EYA1: variants seen among roughly 807,000 people sequenced by gnomAD.
The protein encoded by EYA1 is EYA transcriptional coactivator and phosphatase 1.
EYA1 carries 16 observed loss-of-function variants against 82.0 expected under a neutral mutation model. The observed-to-expected ratio is 0.20, with a 90% CI of 0.13 to 0.30. EYA1 has a LOEUF of 0.30. Among genes scored for constraint, EYA1 ranks in the 10% least tolerant of loss-of-function variants. The pLI is 1.00. For synonymous variants in EYA1, 261 were observed against 264.4 expected (o/e 0.99, Z 0.12); for missense variants, 633 against 730.7 (o/e 0.87, Z 1.54).
intron 2 of EYA1, among the ~76,000 whole-genome samples, chr8:71,454,902 C>T (rs1404709347): frequency 6.6e-6 from 1 of 151,996 alleles, no homozygotes; most frequent in Non-Finnish European, 1.5e-5. Flanking sequence ...TAGCAGAAGG[C>T]AAGAAATAAC....
In EYA1 at chr8:71,435,500, A is replaced by C. The variant is rs1805941494; in HGVS notation, c.34-78989T>G. On this transcript the variant is annotated intron_variant, in intron 2 of 18. Transcript: ENST00000643681. ...TAAAATAAAGGTTTGTCTTCGGGAT[A>C]AAAATGTATATGGAAATGATCTTAC... 2.6e-5 allele frequency among the ~76,000 whole-genome samples: 4 copies of C among 152,226 alleles called. No homozygotes were observed. The South Asian group carries it at 8.3e-4, about 32-fold the overall frequency.
intron 2 of EYA1, among the ~76,000 whole-genome samples, chr8:71,372,088 T>C (rs1410708983): frequency 1.3e-5 from 2 of 152,096 alleles, no homozygotes; most frequent in Admixed American, 6.6e-5. Flanking sequence ...AGTTTTCGGA[T>C]TGAAAGAGCT....
chr8:71,547,303 A>C (rs772192605), intron 1 of EYA1, among the ~76,000 whole-genome samples: 9 of 152,102 alleles, frequency 5.9e-5, no homozygotes. Context: ...TCACAACATC[A>C]TATCAGGCCA....
chr8:71,513,411 GT>G (rs1189425369), intron 2 of EYA1, among the ~76,000 whole-genome samples: 1 of 152,048 alleles, frequency 6.6e-6, no homozygotes, highest in Non-Finnish European at 1.5e-5. Flanking sequence ...AAAATTGGTA[GT>G]TTAAAAAATA....
intron 1 of EYA1, chr8:71,356,746 A>G: frequency 2.1e-5 from 25 of 1,209,434 alleles, no homozygotes; most frequent in Non-Finnish European, 2.6e-5. Context: ...CAGCCAAATG[A>G]CGTGATAGTG....
chr8:71,503,225 G>A (rs1668441900), intron 2 of EYA1, among the ~76,000 whole-genome samples: 1 of 152,160 alleles, frequency 6.6e-6, no homozygotes, highest in South Asian at 2.1e-4. Flanking sequence ...GCTGGGTGCG[G>A]TGGCTCATGC....
intron 4 of EYA1, among the ~76,000 whole-genome samples, chr8:71,330,717 A>C (rs1823740005): frequency 1.3e-5 from 2 of 152,218 alleles, no homozygotes; most frequent in South Asian, 4.1e-4. Context: ...TAATCCATTG[A>C]TGCTTGTAAT....
At chr8:71,370,067 A>G (rs1470154490) in intron 2 of EYA1, among the ~76,000 whole-genome samples, 4 of 152,160 alleles carry the variant, frequency 2.6e-5, no homozygotes, top group Non-Finnish European at 4.4e-5. Context: ...ACCACATTCT[A>G]GCTATGTCAT....
chr8:71,484,955 G>C (rs966106775), intron 2 of EYA1, among the ~76,000 whole-genome samples: 1 of 152,222 alleles, frequency 6.6e-6, no homozygotes, highest in African/African-American at 2.4e-5. Context: ...TAAGCCATAA[G>C]CAAAGCTCTG....
intron 12 of EYA1, among the ~76,000 whole-genome samples, chr8:71,225,976 G>T (rs1329342844): frequency 1.3e-5 from 2 of 152,134 alleles, no homozygotes; most frequent in Non-Finnish European, 2.9e-5. Context: ...CAAAGGTAAG[G>T]TATTAGCTAT....
chr8:71,365,955 A>T (rs1563539576), upstream of EYA1, among the ~76,000 whole-genome samples: 1 of 152,266 alleles, frequency 6.6e-6, no homozygotes, highest in Non-Finnish European at 1.5e-5. Flanking sequence ...AAAGCTAAGG[A>T]GGTAATTAAC....
At chr8:71,342,306 T>C (rs1367650291) in intron 3 of EYA1, among the ~76,000 whole-genome samples, 1 of 152,180 alleles carries the variant, frequency 6.6e-6, no homozygotes, top group Non-Finnish European at 1.5e-5. Flanking sequence ...CAACCTTATC[T>C]ACTATCAATT....
At chr8:71,523,486 A>C (rs1363109351) in intron 2 of EYA1, among the ~76,000 whole-genome samples, 1 of 152,070 alleles carries the variant, frequency 6.6e-6, no homozygotes, top group Admixed American at 6.6e-5. Context: ...CCAAAAATCT[A>C]TTCAGCTCTT....
At chr8:71,236,022 C>G (rs1034475837) in intron 12 of EYA1, among the ~76,000 whole-genome samples, 3 of 151,830 alleles carry the variant, frequency 2.0e-5, no homozygotes, top group Admixed American at 6.6e-5. Flanking sequence ...GTATGCCATA[C>G]GTGTTGAATA....
chr8:71,414,304 G>A (rs1830751580), intron 2 of EYA1, among the ~76,000 whole-genome samples: 1 of 152,152 alleles, frequency 6.6e-6, no homozygotes, highest in South Asian at 2.1e-4. Flanking sequence ...GGAGGAATAC[G>A]TGTTTCATTC....
At chr8:71,365,106 A>G (rs939092509), upstream of EYA1, among the ~76,000 whole-genome samples, 11 of 151,350 alleles carry the variant, frequency 7.3e-5, no homozygotes, top group Admixed American at 2.0e-4. Context: ...ACTCATTACA[A>G]CAATCTAAAA....
chr8:71,309,748 C>T (rs1236819883), intron 7 of EYA1, among the ~76,000 whole-genome samples: 1 of 152,174 alleles, frequency 6.6e-6, no homozygotes, highest in Admixed American at 6.5e-5. Context: ...GTTACTGGAT[C>T]ATTCCCACTT....
At chr8:71,493,839 C>CG (rs1305283227) in intron 2 of EYA1, among the ~76,000 whole-genome samples, 104 of 148,770 alleles carry the variant, frequency 7.0e-4, no homozygotes, top group Admixed American at 1.8e-3. Flanking sequence ...CCGGCTAAAA[C>CG]GGTGAAACCC....
At chr8:71,309,606 T>TA (rs1017453526) in intron 7 of EYA1, among the ~76,000 whole-genome samples, 2 of 152,180 alleles carry the variant, frequency 1.3e-5, no homozygotes, top group Admixed American at 6.5e-5. Flanking sequence ...CTATAGATAA[T>TA]AAAAAAATTT....
Sources: gnomAD v4.1 joint callset for allele counts (sites outside exome capture counted in the v4.1 genomes callset) on GRCh38, gnomAD v4.1.1 for gene constraint, MANE v1.5 for transcripts, NCBI Gene and HGNC (gene_info 2026-07-23, HGNC 2026-07-21) for gene names.